TPD52L1: variants seen among roughly 807,000 people sequenced by gnomAD.
The protein encoded by TPD52L1 is TPD52 like 1.
A neutral mutation model predicts 28.7 loss-of-function variants in TPD52L1; 18 were observed. The ratio of observed to expected loss-of-function variants is 0.63; its 90% CI spans 0.43 to 0.93. The LOEUF is 0.93. TPD52L1 is among the 40% of genes least tolerant of loss of function. TPD52L1 has a pLI of 0.00. For synonymous variants in TPD52L1, 75 were observed against 88.8 expected, an observed-to-expected ratio of 0.84 and a Z score of 0.88; for missense variants, 203 against 254.8, an observed-to-expected ratio of 0.80 and a Z score of 1.39.
intron 1 of TPD52L1, among the ~76,000 whole-genome samples, chr6:125,163,650 G>T (rs1419921112): frequency 6.6e-6 from 1 of 151,168 alleles, no homozygotes; most frequent in Non-Finnish European, 1.5e-5. Context: ...AACAGGCCGG[G>T]CGTGGTGGCT....
At chr6:125,154,313 G>A in intron 1 of TPD52L1, 1 of 1,124,642 alleles carries the variant, frequency 8.9e-7, no homozygotes, top group Non-Finnish European at 1.1e-6. Flanking sequence ...CGGAAAGCGT[G>A]TTTCGCTCCC....
chr6:125,164,220 A>G (rs565447795), intron 1 of TPD52L1, among the ~76,000 whole-genome samples: 1 of 152,190 alleles, frequency 6.6e-6, no homozygotes, highest in Non-Finnish European at 1.5e-5. Context: ...AAACGGGCAG[A>G]ATTTAATTGT....
At chr6:125,219,698 T>C in intron 1 of TPD52L1, 1 of 293,948 alleles carries the variant, frequency 3.4e-6, no homozygotes, top group East Asian at 8.3e-5. Context: ...GGGCCTACAA[T>C]TTACACAGGA....
intron 6 of TPD52L1, among the ~76,000 whole-genome samples, chr6:125,257,791 TA>T (rs1157323515): frequency 2.0e-5 from 3 of 152,190 alleles, no homozygotes; most frequent in Admixed American, 2.0e-4. Flanking sequence ...TAAGTTTGAA[TA>T]AAAAGAGTAA....
At chr6:125,246,917 T>C (rs1175457776) in intron 3 of TPD52L1, among the ~76,000 whole-genome samples, 1 of 152,020 alleles carries the variant, frequency 6.6e-6, no homozygotes, top group African/African-American at 2.4e-5. Flanking sequence ...TTAATGTATG[T>C]TTTTATACTT....
At chr6:125,156,640 C>T (rs62431435) in intron 1 of TPD52L1, among the ~76,000 whole-genome samples, 13 of 151,830 alleles carry the variant, frequency 8.6e-5, no homozygotes, top group African/African-American at 1.2e-4. Context: ...TGTGGTGGTG[C>T]GTGCCTGTAT....
intron 1 of TPD52L1, among the ~76,000 whole-genome samples, chr6:125,188,355 G>A (rs942485735): frequency 6.6e-6 from 1 of 152,174 alleles, no homozygotes; most frequent in African/African-American, 2.4e-5. Context: ...GTAGCTAAAA[G>A]TGGGTGCACC....
At chr6:125,206,120 TC>T (rs1214498523) in intron 1 of TPD52L1, among the ~76,000 whole-genome samples, 3 of 152,330 alleles carry the variant, frequency 2.0e-5, no homozygotes, top group East Asian at 3.9e-4. Flanking sequence ...AGACATAATT[TC>T]TTTTTTTAGC....
chr6:125,256,410 T>C (rs1281322919), intron 5 of TPD52L1, among the ~76,000 whole-genome samples: 1 of 152,182 alleles, frequency 6.6e-6, no homozygotes, highest in Non-Finnish European at 1.5e-5. Flanking sequence ...CAAGTAGGTA[T>C]ATCTATTTGA....
chr6:125,191,576 C>T (rs185259144), intron 1 of TPD52L1, among the ~76,000 whole-genome samples: 4 of 152,158 alleles, frequency 2.6e-5, no homozygotes, highest in Non-Finnish European at 5.9e-5. Flanking sequence ...TGTGCAAGAA[C>T]GGCAGTGTTT....
rs1015986934 is a variant in TPD52L1 at position 125,238,452 on chromosome 6, T to C, written c.284+9186T>C. Among the ~76,000 whole-genome samples the C allele has an allele frequency of 7.9e-5, 12 of 152,290 alleles. No homozygotes were observed. The East Asian group carries it at 1.5e-3, about 20-fold the overall frequency. On this transcript the variant is annotated intron_variant, in intron 3 of 6. Transcript: ENST00000534000. ...GATTTCTGAAATTTTGATGCACCCA[T>C]CACCCAAACAGTGTACATTGTACCC...
intron 1 of TPD52L1, among the ~76,000 whole-genome samples, chr6:125,202,780 T>C (rs1410943188): frequency 6.7e-6 from 1 of 149,530 alleles, no homozygotes; most frequent in South Asian, 2.2e-4. Flanking sequence ...TTTTTTTTTT[T>C]TTGAGACGGA....
At chr6:125,156,775 A>C (rs1460673171) in intron 1 of TPD52L1, among the ~76,000 whole-genome samples, 1 of 152,184 alleles carries the variant, frequency 6.6e-6, no homozygotes, top group African/African-American at 2.4e-5. Context: ...TCTCAAAAAC[A>C]GATAAACAAA....
At chr6:125,195,060 A>G (rs1582903036) in intron 1 of TPD52L1, among the ~76,000 whole-genome samples, 1 of 152,200 alleles carries the variant, frequency 6.6e-6, no homozygotes. Context: ...TTGGCACACA[A>G]TTGCAGCAAT....
Position 125,194,694 on chromosome 6 carries a change from T to C in TPD52L1, c.20-25384T>C, listed in dbSNP as rs553785991. 7.2e-5 allele frequency among the ~76,000 whole-genome samples: 11 copies of C among 152,366 alleles called. No individual in the cohort carries two copies. The South Asian group carries it at 2.3e-3, about 32-fold the overall frequency. On this transcript the variant is annotated intron_variant, in intron 1 of 6. Transcript: ENST00000534000. ...TGCCGAAACGAGAATGAAATCTTCC[T>C]ACTTTGTAAGACCAAACTCAGACAA...
chr6:125,262,804 A>G, intron 6 of TPD52L1, 30 bp from the exon 7 acceptor site: 1 of 1,583,880 alleles, frequency 6.3e-7, no homozygotes, highest in African/African-American at 1.4e-5. Context: ...GTAACAACTA[A>G]CTGCATTTTT....
At chr6:125,172,163 TTCTTTC>T (rs1791431348) in intron 1 of TPD52L1, among the ~76,000 whole-genome samples, 1 of 82,054 alleles carries the variant, frequency 1.2e-5, no homozygotes, top group Non-Finnish European at 2.7e-5. Flanking sequence ...TTTCTTTTCT[TTCTTTC>T]TTTCTTTCTT....
chr6:125,179,533 T>TA (rs1351368796), intron 1 of TPD52L1, among the ~76,000 whole-genome samples: 1 of 152,234 alleles, frequency 6.6e-6, no homozygotes, highest in Non-Finnish European at 1.5e-5. Context: ...ATGCTTATTT[T>TA]AAAAATCCCT....
intron 1 of TPD52L1, among the ~76,000 whole-genome samples, chr6:125,205,373 A>G (rs552849746): frequency 2.0e-5 from 3 of 152,136 alleles, no homozygotes; most frequent in Admixed American, 6.5e-5. Flanking sequence ...CAAGCCAGCC[A>G]CTCCCACGCT....
Sources: allele counts gnomAD v4.1 joint callset (sites outside exome capture counted in the v4.1 genomes callset), GRCh38; gene constraint gnomAD v4.1.1; transcripts MANE v1.5; gene names NCBI Gene and HGNC (gene_info 2026-07-23, HGNC 2026-07-21).